The following P2RX5 variants were observed in gnomAD, a reference collection of about 807,000 sequenced individuals.
P2RX5 encodes the protein purinergic receptor P2X 5.
In P2RX5, 46 loss-of-function variants were observed where a neutral mutation model predicts 54.1. The ratio of observed to expected loss-of-function variants is 0.85; its 90% CI spans 0.67 to 1.09. The LOEUF is 1.09. Ranked by LOEUF, P2RX5 falls within the 50% of genes least tolerant of loss-of-function variation. P2RX5 has a pLI of 0.00. For synonymous variants in P2RX5, 226 were observed against 226.4 expected, an observed-to-expected ratio of 1.00 and a Z score of 0.02; for missense variants, 566 against 549.8, an observed-to-expected ratio of 1.03 and a Z score of -0.29.
In P2RX5 at chr17:3,695,991, G is replaced by A. The variant is rs2050750792; in HGVS notation, c.15C>T (p.Gly5=). MGQA[G]CKGLCLSLFD... Reference sequence around the variant, plus strand: ...ACAGCGACAGGCAGAGCCCCTTGCAGCCCGCCTGCCCCATGGCGCGCTCTC... The same window carrying A: ...ACAGCGACAGGCAGAGCCCCTTGCAACCCGCCTGCCCCATGGCGCGCTCTC... Residue 5 remains glycine (G), a synonymous_variant, in exon 1 of 12, where the codon GGC becomes GGT. Transcript: ENST00000225328. 1 of 1,613,856 alleles carries A rather than the reference G, an allele frequency of 6.2e-7. No individual in the cohort carries two copies. The highest frequency in any genetic ancestry group is 8.5e-7 in the Non-Finnish European group (1 of 1,179,892).
At chr17:3,714,639 G>A in the P2RX5 span, 1 of 442,116 alleles carries the variant, frequency 2.3e-6, no homozygotes, top group Non-Finnish European at 4.0e-6. Context: ...GCAAAGAAAA[G>A]TGTAAATTTA....
chr17:3,695,752 C>T, intron 1 of P2RX5, 117 bp downstream of exon 1: 1 of 1,297,916 alleles, frequency 7.7e-7, no homozygotes, highest in Non-Finnish European at 1.1e-6. Context: ...CACAGACCCC[C>T]AGCTACCGGG....
rs1260323118 is a variant in P2RX5, at chr17:3,695,907, G to A, written c.99C>T (p.Tyr33=). The A allele has an allele frequency of 6.2e-7, 1 of 1,614,100 alleles. No individual in the cohort carries two copies. Residue 33 remains tyrosine, a synonymous_variant, in exon 1 of 12, where the codon TAC becomes TAT. Coordinates refer to ENST00000225328, the MANE Select transcript of P2RX5 (RefSeq NM_002561.4). Reference sequence around the variant, plus strand: ...CCAGGATGGAGGCCTGCAGCAGCCGGTACAGCAGGCCCACCTTCTTGTTCT... The same window carrying A: ...CCAGGATGGAGGCCTGCAGCAGCCGATACAGCAGGCCCACCTTCTTGTTCT... ...IAKNKKVGLL[Y]RLLQASILAY...
chr17:3,685,666 G>GCCCCCCCCCCCCCCCCCC (rs2050435176), intron 9 of P2RX5: 2 of 51,716 alleles, frequency 3.9e-5, no homozygotes, highest in Non-Finnish European at 4.7e-5. Context: ...CTCCCAGCCT[G>GCCCCCCCCCCCCCCCCCC]AGAACAGGAG....
At chr17:3,688,996 G>A (rs2050526495) in intron 7 of P2RX5, among the ~76,000 whole-genome samples, 1 of 152,224 alleles carries the variant, frequency 6.6e-6, no homozygotes, top group Non-Finnish European at 1.5e-5. Flanking sequence ...GCACAGGGTA[G>A]GCCTCTCTGG....
chr17:3,691,995 G>A, intron 1 of P2RX5: 1 of 609,168 alleles, frequency 1.6e-6, no homozygotes, highest in South Asian at 1.9e-5. Context: ...AGCAGCAGAG[G>A]CGACAAGCAA....
chr17:3,697,072 G>C (rs73312645), upstream of P2RX5, among the ~76,000 whole-genome samples: 1,079 of 151,858 alleles, frequency 7.1e-3, 7 homozygotes, highest in Middle Eastern at 0.02. Context: ...CGGCGGAGTC[G>C]GTGGTCAGGC....
Position 3,673,608 on chromosome 17 carries a change from G to A in P2RX5, c.*260C>T. The A allele has an allele frequency of 2.1e-6, 3 of 1,418,462 alleles. No homozygotes were observed. Among genetic ancestry groups the A allele is most frequent in the East Asian group, 5.2e-5 (2 of 38,562 alleles). 87.9% of individuals were successfully genotyped at this position (1,418,462 alleles called of 1,614,324 possible). ...ATTTACAACCCGTTCCCTAGTGCGG[G>A]AAGCCAGCCACGGAGAAAGGAAGAA... On this transcript the variant is annotated 3_prime_UTR_variant, in exon 12 of 12. Transcript: ENST00000225328.
chr17:3,689,841 C>T (rs1464371120), intron 6 of P2RX5, among the ~76,000 whole-genome samples: 4 of 152,214 alleles, frequency 2.6e-5, no homozygotes, highest in African/African-American at 4.8e-5. Flanking sequence ...CACACACACA[C>T]GCACACACGC....
chr17:3,717,792 G>A, the P2RX5 span: 1 of 152,128 alleles, frequency 6.6e-6, no homozygotes, highest in Non-Finnish European at 1.5e-5. Flanking sequence ...AACTAAATAG[G>A]AGTGAAGTCC....
intron 11 of P2RX5, chr17:3,676,585 C>G (rs779010176): frequency 1.0e-6 from 1 of 985,348 alleles, no homozygotes; most frequent in Non-Finnish European, 1.2e-6. Flanking sequence ...TAAGTCTGAC[C>G]TAGAAATTGG....
At chr17:3,693,168 C>A (rs1183171182) in intron 1 of P2RX5, among the ~76,000 whole-genome samples, 1 of 145,922 alleles carries the variant, frequency 6.9e-6, no homozygotes, top group Non-Finnish European at 1.5e-5. Flanking sequence ...TACACAAATG[C>A]CCAATTAAGC....
At chr17:3,684,835 CTTTTTTTT>C (rs138123642) in intron 9 of P2RX5, among the ~76,000 whole-genome samples, 1 of 86,706 alleles carries the variant, frequency 1.2e-5, no homozygotes, top group Non-Finnish European at 2.3e-5. Context: ...ATCCTGCCCC[CTTTTTTTT>C]TTTTTTTTTT....
At chr17:3,682,025 A>AC (rs772438488) in intron 9 of P2RX5, 47 bp from the exon 10 acceptor site, 1 of 1,357,870 alleles carries the variant, frequency 7.4e-7, no homozygotes, top group Non-Finnish European at 1.1e-6. Context: ...CTCTGAGAGC[A>AC]CTGTTCATTT....
intron 1 of P2RX5, among the ~76,000 whole-genome samples, chr17:3,694,202 A>G (rs2050694390): frequency 6.6e-6 from 1 of 151,060 alleles, no homozygotes; most frequent in African/African-American, 2.4e-5. Context: ...GTGAACCTTG[A>G]AAACATGACA....
the P2RX5 span, among the ~76,000 whole-genome samples, chr17:3,714,277 G>GC: frequency 1.3e-3 from 189 of 151,044 alleles, 1 homozygote; most frequent in Admixed American, 4.5e-3. Flanking sequence ...TGCTAGGCTG[G>GC]AGTGCAGTGG....
intron 11 of P2RX5, chr17:3,675,252 C>G (rs1487738835): frequency 1.9e-6 from 1 of 529,872 alleles, no homozygotes; most frequent in Non-Finnish European, 2.4e-6. Context: ...GTTGCCCAGG[C>G]TGTTCTCAAA....
At chr17:3,680,805 GCA>G in intron 10 of P2RX5, among the ~76,000 whole-genome samples, 2 of 115,768 alleles carry the variant, frequency 1.7e-5, no homozygotes, top group African/African-American at 3.5e-5. Flanking sequence ...CCTCCACCCT[GCA>G]TCCTCCACCC....
chr17:3,673,289 G>A lies in P2RX5; in HGVS notation c.*579C>T, dbSNP rs554478994. 1 of 992,316 alleles carries A rather than the reference G, an allele frequency of 1.0e-6. No homozygotes were observed. Among genetic ancestry groups the A allele is most frequent in the Non-Finnish European group, 1.2e-6 (1 of 833,350 alleles). The allele number at this position is 992,316 out of a possible 1,614,324, so 61.5% of individuals were successfully genotyped here. A position where few individuals can be genotyped will look rare whatever the true frequency, so the allele number is the denominator to read the frequency against. On this transcript the variant is annotated 3_prime_UTR_variant, in exon 12 of 12. Transcript: ENST00000225328. ...AAGAGTGTCAGAGAATACATATCTT[G>A]GGCAGGTCCCAGAAAGCGTCTGCCA...
Sources: gnomAD v4.1 joint callset for allele counts (sites outside exome capture counted in the v4.1 genomes callset) on GRCh38, gnomAD v4.1.1 for gene constraint, MANE v1.5 for transcripts, NCBI Gene and HGNC (gene_info 2026-07-23, HGNC 2026-07-21) for gene names.